The following CHSY3 variants were observed in gnomAD, a reference collection of about 807,000 sequenced individuals.
CHSY3 encodes the protein N-acetylgalactosaminyl-proteoglycan 3-beta-glucuronosyltransferase 3.
CHSY3 carries 35 observed loss-of-function variants against 67.2 expected under a neutral mutation model. That is an observed-to-expected ratio of 0.52 (90% CI 0.40 to 0.69). The LOEUF (loss-of-function observed/expected upper bound fraction) is 0.69. Ranked by LOEUF, CHSY3 falls within the 30% of genes least tolerant of loss-of-function variation. The pLI is 0.00. For synonymous variants in CHSY3, 474 were observed against 434.7 expected, an observed-to-expected ratio of 1.09 and a Z score of -1.12; for missense variants, 1,069 against 1,138.5, an observed-to-expected ratio of 0.94 and a Z score of 0.88.
chr5:129,989,503 A>G (rs1763299318), intron 2 of CHSY3, among the ~76,000 whole-genome samples: 1 of 152,082 alleles, frequency 6.6e-6, no homozygotes. Context: ...TCCATTCTTG[A>G]GGGCCTCACC....
chr5:130,008,639 G>T (rs1213653150), intron 2 of CHSY3, among the ~76,000 whole-genome samples: 3 of 152,296 alleles, frequency 2.0e-5, no homozygotes, highest in Non-Finnish European at 4.4e-5. Context: ...TGAAATGACA[G>T]ATATAGAATT....
rs143010588 is a variant in CHSY3 at position 130,084,971 on chromosome 5, G to A, written c.1087-99258G>A. On this transcript the variant is annotated intron_variant, in intron 2 of 2. Transcript: ENST00000305031. ...GTTTCTTATCACACTTACAGAGTCT[G>A]TTCTATCAATTGTAGGATTTATGTT... Among the ~76,000 whole-genome samples the A allele has an allele frequency of 3.1e-3, 465 of 152,104 alleles. 3 individuals carry two copies. Among genetic ancestry groups the A allele is most frequent in the African/African-American group, 9.9e-3 (412 of 41,550 alleles).
chr5:129,998,254 G>A (rs985093498), intron 2 of CHSY3, among the ~76,000 whole-genome samples: 5 of 151,962 alleles, frequency 3.3e-5, no homozygotes, highest in African/African-American at 4.8e-5. Context: ...ATAACACTTC[G>A]GTTATTTTTC....
intron 2 of CHSY3, among the ~76,000 whole-genome samples, chr5:130,133,216 A>T (rs2149714798): frequency 6.6e-6 from 1 of 152,224 alleles, no homozygotes; most frequent in East Asian, 1.9e-4. Flanking sequence ...AGAGGCAGAA[A>T]ATTTTAATGA....
Position 130,185,989 on chromosome 5 carries a change from T to A in CHSY3, c.*198T>A, listed in dbSNP as rs568828313. ...GCAAGAAGAGTCTGCAGTTCACTGA[T>A]GTTTCAGATTTCTACTGAAGTCAAT... On this transcript the variant is annotated 3_prime_UTR_variant, in exon 3 of 3. Coordinates refer to ENST00000305031, the MANE Select transcript of CHSY3 (RefSeq NM_175856.5). 6.1e-6 allele frequency: 2 copies of A among 328,164 alleles called. No homozygotes were observed. The highest frequency in any genetic ancestry group is 4.3e-5 in the African/African-American group (2 of 47,008). The allele number at this position is 328,164 out of a possible 1,614,324, so 20.3% of individuals were successfully genotyped here.
intron 2 of CHSY3, among the ~76,000 whole-genome samples, chr5:129,984,211 G>A (rs1763103923): frequency 6.6e-6 from 1 of 152,008 alleles, no homozygotes; most frequent in African/African-American, 2.4e-5. Flanking sequence ...AGGCCTCAAT[G>A]TCTGTTGTTC....
At chr5:130,131,896 C>T (rs915619467) in intron 2 of CHSY3, among the ~76,000 whole-genome samples, 3 of 152,098 alleles carry the variant, frequency 2.0e-5, no homozygotes, top group Admixed American at 6.6e-5. Context: ...TCCCAGAGAA[C>T]CCAGAGAACA....
rs544503758 is a variant in CHSY3 at position 130,040,984 on chromosome 5, G to A, written c.1086+132624G>A. 2.6e-5 allele frequency among the ~76,000 whole-genome samples: 4 copies of A among 152,190 alleles called. No homozygotes were observed. The South Asian group carries it at 8.3e-4, about 32-fold the overall frequency. ...AGAGGCAAATTAGTATTGATGAACAGATTTGATGAATAACAAGGATCCTAC... is the reference window on the plus strand; with the variant it reads ...AGAGGCAAATTAGTATTGATGAACAAATTTGATGAATAACAAGGATCCTAC... On this transcript the variant is annotated intron_variant, in intron 2 of 2. Coordinates refer to ENST00000305031, the MANE Select transcript of CHSY3 (RefSeq NM_175856.5).
chr5:130,152,199 C>T (rs997609683), intron 2 of CHSY3, among the ~76,000 whole-genome samples: 2 of 152,174 alleles, frequency 1.3e-5, no homozygotes, highest in South Asian at 2.1e-4. Context: ...CCAGCATTAA[C>T]GTTTAATATT....
rs567078559 is a variant in CHSY3 at position 129,970,734 on chromosome 5, T to C, written c.1086+62374T>C. The stretch of plus-strand genomic sequence containing the variant: ...ATTTTTCTCATACTTATAAAGAAGA[T>C]ATGACTTGTGGGTAAATTTGATTAA... On this transcript the variant is annotated intron_variant, in intron 2 of 2. Transcript: ENST00000305031. Among the ~76,000 whole-genome samples the C allele has an allele frequency of 7.2e-5, 11 of 151,910 alleles. No homozygotes were observed. In the South Asian group the frequency reaches 1.7e-3, roughly 23 times the overall value.
chr5:130,078,339 G>A (rs954566009), intron 2 of CHSY3, among the ~76,000 whole-genome samples: 4 of 152,016 alleles, frequency 2.6e-5, no homozygotes, highest in African/African-American at 9.7e-5. Flanking sequence ...TATTCCATGG[G>A]TGTGTGTATT....
chr5:130,038,233 C>G (rs1764913265), intron 2 of CHSY3, among the ~76,000 whole-genome samples: 1 of 151,982 alleles, frequency 6.6e-6, no homozygotes, highest in South Asian at 2.1e-4. Flanking sequence ...TTTATGTTCC[C>G]AGAACTTTTG....
rs1769817239 is a variant in CHSY3, at chr5:130,168,719, C to T, written c.1087-15510C>T. Among the ~76,000 whole-genome samples, 7 of 152,058 alleles carry T rather than the reference C, an allele frequency of 4.6e-5. No individual in the cohort carries two copies. The South Asian group carries it at 1.4e-3, about 31-fold the overall frequency. ...ATTAAAAATTAATTATAAATATATTCTTAAATATTAGGCCTAGGCTACACT... is the reference window on the plus strand; with the variant it reads ...ATTAAAAATTAATTATAAATATATTTTTAAATATTAGGCCTAGGCTACACT... On this transcript the variant is annotated intron_variant, in intron 2 of 2. Transcript: ENST00000305031.
At chr5:130,054,755 A>G (rs1765474898) in intron 2 of CHSY3, among the ~76,000 whole-genome samples, 5 of 152,220 alleles carry the variant, frequency 3.3e-5, no homozygotes, top group Admixed American at 3.3e-4. Flanking sequence ...ATTAATAAAT[A>G]CTAGCTTTTA....
intron 2 of CHSY3, among the ~76,000 whole-genome samples, chr5:130,022,772 A>T (rs1764430681): frequency 6.6e-6 from 1 of 151,932 alleles, no homozygotes; most frequent in Non-Finnish European, 1.5e-5. Context: ...GTTATTTTGG[A>T]ATATATTTAA....
intron 2 of CHSY3, among the ~76,000 whole-genome samples, chr5:130,120,694 A>G (rs1251135238): frequency 6.6e-6 from 1 of 152,074 alleles, no homozygotes; most frequent in Non-Finnish European, 1.5e-5. Context: ...AATAATGCCT[A>G]CCTCATAGAT....
intron 2 of CHSY3, among the ~76,000 whole-genome samples, chr5:129,952,573 G>A (rs1167790754): frequency 6.6e-6 from 1 of 152,094 alleles, no homozygotes. Context: ...TCTACCAAAT[G>A]CCTTTAATGA....
rs1770407263 is a variant in CHSY3, at chr5:130,185,974, T to C, written c.*183T>C. On this transcript the variant is annotated 3_prime_UTR_variant, in exon 3 of 3. Transcript: ENST00000305031. ...GTTTGTTGACCTCAAGCAAGAAGAGTCTGCAGTTCACTGATGTTTCAGATT... is the reference window on the plus strand; with the variant it reads ...GTTTGTTGACCTCAAGCAAGAAGAGCCTGCAGTTCACTGATGTTTCAGATT... 1 of 349,708 alleles carries C rather than the reference T, an allele frequency of 2.9e-6. No homozygotes were observed. Among genetic ancestry groups the C allele is most frequent in the Non-Finnish European group, 5.0e-6 (1 of 199,332 alleles). The allele number at this position is 349,708 out of a possible 1,614,324, so 21.7% of individuals were successfully genotyped here. A position where few individuals can be genotyped will look rare whatever the true frequency, so the allele number is the denominator to read the frequency against.
At chr5:129,949,406 A>G (rs929934417) in intron 2 of CHSY3, among the ~76,000 whole-genome samples, 4 of 152,188 alleles carry the variant, frequency 2.6e-5, no homozygotes, top group African/African-American at 9.6e-5. Flanking sequence ...AATAATAAAT[A>G]GAAAATCTGA....
Sources: allele counts gnomAD v4.1 joint callset (sites outside exome capture counted in the v4.1 genomes callset), GRCh38; gene constraint gnomAD v4.1.1; transcripts MANE v1.5; gene names NCBI Gene and HGNC (gene_info 2026-07-23, HGNC 2026-07-21).